ITPR1: variants seen among roughly 807,000 people sequenced by gnomAD.
The protein encoded by ITPR1 is inositol 1,4,5-trisphosphate-gated calcium channel ITPR1.
ITPR1 carries 96 observed loss-of-function variants against 318.4 expected under a neutral mutation model. That is an observed-to-expected ratio of 0.30 (90% CI 0.26 to 0.36). The LOEUF is 0.36. Among genes scored for constraint, ITPR1 ranks in the 10% least tolerant of loss-of-function variants. The probability of loss-of-function intolerance (pLI) is 1.00; values close to 1 mark genes in which losing one functional copy is unlikely to be tolerated. For synonymous variants in ITPR1, 1,312 were observed against 1,289.9 expected, an observed-to-expected ratio of 1.02 and a Z score of -0.37; for missense variants, 2,440 against 3,460.2, an observed-to-expected ratio of 0.71 and a Z score of 7.40.
Position 4,725,566 on chromosome 3 carries a change from T to A in ITPR1, c.5157T>A (p.Ser1719=). 6.3e-7 allele frequency: 1 copy of A among 1,599,288 alleles called. No homozygotes were observed. The highest frequency in any genetic ancestry group is 2.2e-5 in the East Asian group (1 of 44,874). Reference sequence around the variant, plus strand: ...ATTAGCTTCCTCCAGCTCCGGATTCTGAGAACGCCACTGAGGTGTGTTGCC... The same window carrying A: ...ATTAGCTTCCTCCAGCTCCGGATTCAGAGAACGCCACTGAGGTGTGTTGCC... ...DNAELPPAPD[S]ENATEELEPS... Residue 1719 remains serine (S), a synonymous_variant, in exon 41 of 62, where the codon TCT becomes TCA. Coordinates refer to ENST00000649015, the MANE Select transcript of ITPR1 (RefSeq NM_001378452.1).
chr3:4,745,065 TG>T (rs869229275), intron 44 of ITPR1, among the ~76,000 whole-genome samples: 3 of 118 alleles, frequency 0.025, no homozygotes, highest in East Asian at 0.33. Context: ...TTTCTCTTTC[TG>T]TGTTTTCTTT....
intron 4 of ITPR1, among the ~76,000 whole-genome samples, chr3:4,624,498 A>G (rs1259896180): frequency 2.0e-5 from 3 of 151,934 alleles, no homozygotes; most frequent in African/African-American, 4.8e-5. Flanking sequence ...GTGAAACCCC[A>G]TCTCTACTAA....
chr3:4,736,597 C>T (rs2043288534), intron 44 of ITPR1, among the ~76,000 whole-genome samples: 1 of 152,216 alleles, frequency 6.6e-6, no homozygotes, highest in Non-Finnish European at 1.5e-5. Context: ...AGTGAGGCAC[C>T]TGGGCCAGTG....
At chr3:4,527,104 C>G (rs563310764) in intron 4 of ITPR1, among the ~76,000 whole-genome samples, 1 of 152,272 alleles carries the variant, frequency 6.6e-6, no homozygotes, top group South Asian at 2.1e-4. Context: ...AAGTTATGAG[C>G]TGGTCCAGTG....
chr3:4,721,224 C>T (rs114924116), intron 40 of ITPR1, among the ~76,000 whole-genome samples: 3,032 of 130,934 alleles, frequency 0.023, 149 homozygotes, highest in African/African-American at 0.092. Flanking sequence ...GAGATTATTC[C>T]GTAATGACTG....
Position 4,725,219 on chromosome 3 carries a change from G to A in ITPR1, c.5137-327G>A, listed in dbSNP as rs529047820. On this transcript the variant is annotated intron_variant, in intron 40 of 61. Transcript: ENST00000649015. ...TGTCTCGGTGGACTGAGACAAGGAT[G>A]TGCTGTGGTTTTTCCTGTCACTTGC... 4.0e-5 allele frequency among the ~76,000 whole-genome samples: 6 copies of A among 151,744 alleles called. No homozygotes were observed. In the East Asian group the frequency reaches 1.2e-3, roughly 29 times the overall value.
intron 8 of ITPR1, among the ~76,000 whole-genome samples, chr3:4,644,948 G>A (rs1036117218): frequency 6.6e-5 from 10 of 152,226 alleles, no homozygotes; most frequent in African/African-American, 2.4e-4. Flanking sequence ...GCCTGGCACA[G>A]ATTTAGTGCA....
intron 60 of ITPR1, among the ~76,000 whole-genome samples, chr3:4,824,518 C>T (rs1006342505): frequency 1.3e-5 from 2 of 152,166 alleles, no homozygotes; most frequent in Non-Finnish European, 2.9e-5. Flanking sequence ...TGCACACAGC[C>T]CTCCTGTCAG....
chr3:4,611,100 A>G (rs536434319), intron 4 of ITPR1, among the ~76,000 whole-genome samples: 113 of 129,112 alleles, frequency 8.8e-4, no homozygotes, highest in African/African-American at 3.3e-3. Flanking sequence ...TTCTTGACTT[A>G]AAGAAAAATA....
intron 4 of ITPR1, among the ~76,000 whole-genome samples, chr3:4,592,557 T>C (rs2090474356): frequency 1.3e-5 from 2 of 152,070 alleles, no homozygotes; most frequent in African/African-American, 4.8e-5. Context: ...TGGAGCTCGG[T>C]GGTTGAAGTG....
intron 4 of ITPR1, among the ~76,000 whole-genome samples, chr3:4,606,696 T>C (rs1310639895): frequency 6.6e-6 from 1 of 152,172 alleles, no homozygotes; most frequent in East Asian, 1.9e-4. Context: ...AAAGTGAACA[T>C]AGAGTAGCTA....
At chr3:4,610,836 C>T (rs2092026869) in intron 4 of ITPR1, among the ~76,000 whole-genome samples, 1 of 150,602 alleles carries the variant, frequency 6.6e-6, no homozygotes, top group African/African-American at 2.4e-5. Context: ...TTTTTCCTTC[C>T]CTTTCTCTTT....
At chr3:4,769,075 T>C (rs891817874) in intron 46 of ITPR1, among the ~76,000 whole-genome samples, 2 of 151,986 alleles carry the variant, frequency 1.3e-5, no homozygotes, top group African/African-American at 4.8e-5. Context: ...AATTTTTGTA[T>C]TTTTAGTAGA....
intron 46 of ITPR1, among the ~76,000 whole-genome samples, chr3:4,769,894 G>A (rs2046077024): frequency 6.6e-6 from 1 of 152,230 alleles, no homozygotes; most frequent in Admixed American, 6.5e-5. Flanking sequence ...TGGATCTGCG[G>A]AGGGCCCTCA....
At chr3:4,681,804 T>C (rs938453918) in intron 26 of ITPR1, among the ~76,000 whole-genome samples, 1 of 151,958 alleles carries the variant, frequency 6.6e-6, no homozygotes, top group African/African-American at 2.4e-5. Flanking sequence ...GATCATGTCC[T>C]GCTGCTGCTG....
chr3:4,674,398 T>A, intron 22 of ITPR1, 55 bp downstream of exon 22: 8 of 1,453,720 alleles, frequency 5.5e-6, no homozygotes, highest in South Asian at 3.9e-5. Context: ...TGGTCATTTT[T>A]CTATGGGGCA....
intron 39 of ITPR1, among the ~76,000 whole-genome samples, chr3:4,713,054 C>G (rs1010266653): frequency 3.3e-5 from 5 of 151,886 alleles, no homozygotes; most frequent in Non-Finnish European, 5.9e-5. Context: ...GTATAGGCAC[C>G]TAGTAGATCT....
At chr3:4,825,823 G>A (rs752006669) in intron 60 of ITPR1, 13 of 456,732 alleles carry the variant, frequency 2.8e-5, no homozygotes, top group South Asian at 9.3e-5. Flanking sequence ...CAGAGGCAAC[G>A]CAAGGAACCA....
chr3:4,799,023 G>A (rs1201943231), intron 53 of ITPR1, among the ~76,000 whole-genome samples: 3 of 152,142 alleles, frequency 2.0e-5, no homozygotes, highest in East Asian at 3.9e-4. Context: ...AATTACATGC[G>A]GTGGTCACAT....
Sources: allele counts gnomAD v4.1 joint callset (sites outside exome capture counted in the v4.1 genomes callset), GRCh38; gene constraint gnomAD v4.1.1; transcripts MANE v1.5; gene names NCBI Gene and HGNC (gene_info 2026-07-23, HGNC 2026-07-21).